LARGE1: variants seen among roughly 807,000 people sequenced by gnomAD.
LARGE1 encodes LARGE xylosyl- and glucuronyltransferase 1.
Under a neutral mutation model 87.6 loss-of-function variants are expected in LARGE1, and 43 were observed. The observed-to-expected ratio is 0.49, with a 90% CI of 0.38 to 0.63. The LOEUF (loss-of-function observed/expected upper bound fraction) is 0.63, where lower values mean the gene tolerates loss of function less well. LARGE1 is among the 30% of genes least tolerant of loss of function. LARGE1 has a pLI of 0.00. For synonymous variants in LARGE1, 434 were observed against 394.6 expected (o/e 1.10, Z -1.18); for missense variants, 802 against 1,000.2 (o/e 0.80, Z 2.67).
At position 33,565,026 on chromosome 22, in the gene LARGE1, A is replaced by C. The variant is rs763356483; in HGVS notation, c.616-7T>G. ...GGATCCAGGAAACTTCAGACTAGAC[A>C]GAACAAGGCAGAGAGAGAGTTGGAG... On this transcript the variant is annotated splice_polypyrimidine_tract_variant and splice_region_variant and intron_variant, in intron 5 of 14. Coordinates refer to ENST00000397394, the MANE Select transcript of LARGE1 (RefSeq NM_133642.5). 5.0e-6 allele frequency: 8 copies of C among 1,613,542 alleles called. No homozygotes were observed. The East Asian group carries it at 1.8e-4, about 36-fold the overall frequency.
chr22:33,760,765 G>C (rs1045966492), intron 2 of LARGE1, among the ~76,000 whole-genome samples: 3 of 152,042 alleles, frequency 2.0e-5, no homozygotes, highest in African/African-American at 7.2e-5. Context: ...ACGAAAAATA[G>C]AAGAATTAGC....
At chr22:33,207,875 G>C (rs985948024) in intron 11 of LARGE1, among the ~76,000 whole-genome samples, 1 of 152,134 alleles carries the variant, frequency 6.6e-6, no homozygotes, top group African/African-American at 2.4e-5. Context: ...ATTAAGAAGG[G>C]AGGGGAGAGG....
At chr22:33,311,969 T>C (rs1268442458) in intron 11 of LARGE1, among the ~76,000 whole-genome samples, 1 of 152,124 alleles carries the variant, frequency 6.6e-6, no homozygotes, top group African/African-American at 2.4e-5. Flanking sequence ...AACCCGGAGC[T>C]CTCTGTCCTT....
At chr22:33,848,251 C>T (rs972151885) in intron 1 of LARGE1, among the ~76,000 whole-genome samples, 9 of 152,152 alleles carry the variant, frequency 5.9e-5, no homozygotes, top group African/African-American at 1.9e-4. Context: ...GAAAATCTTT[C>T]GCCCAGCACA....
intron 1 of LARGE1, among the ~76,000 whole-genome samples, chr22:33,898,386 G>C (rs1254706120): frequency 1.3e-5 from 2 of 152,194 alleles, no homozygotes; most frequent in African/African-American, 2.4e-5. Context: ...GATGCAGAGG[G>C]AGTGCAAAGC....
At chr22:33,327,082 A>G (rs79150441) in intron 10 of LARGE1, among the ~76,000 whole-genome samples, 7,142 of 152,276 alleles carry the variant, frequency 0.047, 290 homozygotes, top group African/African-American at 0.13. Context: ...GAGAGCAGGA[A>G]TGCATTCTGG....
intron 10 of LARGE1, among the ~76,000 whole-genome samples, chr22:33,327,943 T>C (rs1937381915): frequency 6.6e-6 from 1 of 152,010 alleles, no homozygotes; most frequent in Admixed American, 6.6e-5. Context: ...ACAAGATTTA[T>C]TGAGCATGGA....
intron 6 of LARGE1, among the ~76,000 whole-genome samples, chr22:33,446,685 C>T (rs5754553): frequency 0.3 from 45,471 of 151,938 alleles, 7,127 homozygotes; most frequent in Non-Finnish European, 0.34. Flanking sequence ...GAGGGCTGGT[C>T]TGGGGGCCTT....
intron 6 of LARGE1, among the ~76,000 whole-genome samples, chr22:33,459,150 G>A (rs1294275941): frequency 2.0e-5 from 3 of 152,000 alleles, no homozygotes; most frequent in Admixed American, 2.0e-4. Flanking sequence ...AACAGACCCT[G>A]GTGTGTGTTA....
intron 9 of LARGE1, among the ~76,000 whole-genome samples, chr22:33,351,347 G>A (rs1473145734): frequency 6.6e-6 from 1 of 152,218 alleles, no homozygotes; most frequent in Non-Finnish European, 1.5e-5. Flanking sequence ...TGGTGGCATG[G>A]CGCTCTCAAA....
intron 13 of LARGE1, among the ~76,000 whole-genome samples, chr22:33,282,657 C>T (rs573155673): frequency 6.6e-6 from 1 of 152,284 alleles, no homozygotes; most frequent in African/African-American, 2.4e-5. Context: ...ACTTGGGCAA[C>T]AGGAAAGCTG....
At chr22:33,908,562 G>A (rs2065526899) in intron 1 of LARGE1, among the ~76,000 whole-genome samples, 1 of 142,604 alleles carries the variant, frequency 7.0e-6, no homozygotes, top group South Asian at 2.5e-4. Flanking sequence ...AGGGGTGGGG[G>A]GTGAGACTGC....
intron 2 of LARGE1, among the ~76,000 whole-genome samples, chr22:33,668,210 G>A (rs1171004900): frequency 6.6e-6 from 1 of 152,172 alleles, no homozygotes; most frequent in African/African-American, 2.4e-5. Context: ...ATGAAACTGA[G>A]CACACAGTTT....
intron 10 of LARGE1, among the ~76,000 whole-genome samples, chr22:33,325,626 T>C (rs949267830): frequency 2.6e-5 from 4 of 152,212 alleles, no homozygotes; most frequent in Admixed American, 2.0e-4. Flanking sequence ...ACAGGCACAT[T>C]TGAATGCTTG....
At chr22:33,696,587 G>A (rs955824030) in intron 2 of LARGE1, among the ~76,000 whole-genome samples, 7 of 152,120 alleles carry the variant, frequency 4.6e-5, no homozygotes, top group Non-Finnish European at 1.0e-4. Context: ...TTTCTTTAAA[G>A]GGGATGAACC....
At chr22:33,289,781 G>A (rs1932201015) in intron 12 of LARGE1, among the ~76,000 whole-genome samples, 1 of 152,072 alleles carries the variant, frequency 6.6e-6, no homozygotes, top group East Asian at 1.9e-4. Flanking sequence ...TAACCAGTGG[G>A]GAAACTGTGA....
intron 6 of LARGE1, among the ~76,000 whole-genome samples, chr22:33,499,804 G>A (rs1246169352): frequency 6.6e-6 from 1 of 152,050 alleles, no homozygotes; most frequent in African/African-American, 2.4e-5. Flanking sequence ...ATGAAGTCTC[G>A]CTCTGTCCAC....
At chr22:33,804,974 G>A (rs926395593) in intron 1 of LARGE1, among the ~76,000 whole-genome samples, 1 of 152,040 alleles carries the variant, frequency 6.6e-6, no homozygotes, top group Admixed American at 6.6e-5. Flanking sequence ...TGGATATATC[G>A]AAAAAGCACC....
At chr22:33,281,091 T>C (rs752374576) in intron 13 of LARGE1, among the ~76,000 whole-genome samples, 88 of 152,190 alleles carry the variant, frequency 5.8e-4, no homozygotes, top group Non-Finnish European at 7.6e-4. Context: ...CAGGTGACAA[T>C]AGCAATTTCT....
Sources: gnomAD v4.1 joint callset for allele counts (sites outside exome capture counted in the v4.1 genomes callset) on GRCh38, gnomAD v4.1.1 for gene constraint, MANE v1.5 for transcripts, NCBI Gene and HGNC (gene_info 2026-07-23, HGNC 2026-07-21) for gene names.